UGT1A5: variants seen among roughly 807,000 people sequenced by gnomAD.
UGT1A5 encodes the protein UDP-glucuronosyltransferase 1A5.
A neutral mutation model predicts 40.3 loss-of-function variants in UGT1A5; 29 were observed. The ratio of observed to expected loss-of-function variants is 0.72; its 90% CI spans 0.54 to 0.98. The LOEUF (loss-of-function observed/expected upper bound fraction) is 0.98, where lower values mean the gene tolerates loss of function less well. Ranked by LOEUF, UGT1A5 falls within the 50% of genes least tolerant of loss-of-function variation. UGT1A5 has a pLI of 0.00. For missense variants in UGT1A5, 678 were observed against 677.9 expected, an observed-to-expected ratio of 1.00 and a Z score of 0.00; for synonymous variants, 257 against 262.5, an observed-to-expected ratio of 0.98 and a Z score of 0.20.
chr2:233,744,560 T>C (rs1423343809), intron 1 of UGT1A5, among the ~76,000 whole-genome samples: 1 of 151,924 alleles, frequency 6.6e-6, no homozygotes, highest in Admixed American at 6.5e-5. Flanking sequence ...CAAAATGTAG[T>C]GAGAAGAGTG....
At chr2:233,767,271 T>G in intron 2 of UGT1A5, 106 bp downstream of exon 2, 1 of 1,583,574 alleles carries the variant, frequency 6.3e-7, no homozygotes, top group East Asian at 2.2e-5. Context: ...TAGATTTGGC[T>G]TTTCCCTGCC....
chr2:233,768,371 C>T lies in UGT1A5; in HGVS notation c.1239C>T (p.Thr413=). The T allele has an allele frequency of 6.2e-7, 1 of 1,614,074 alleles. No homozygotes were observed. Among genetic ancestry groups the T allele is most frequent in the South Asian group, 1.1e-5 (1 of 91,082 alleles). ...TGGAGACTAAGGGAGCTGGAGTGAC[C>T]CTGAATGTTCTGGAAATGACTTCTG... is the stretch of plus-strand genomic sequence containing the variant. The part of the protein sequence containing the change: ...KRMETKGAGV[T]LNVLEMTSED... Residue 413 remains threonine, a synonymous_variant, in exon 4 of 5, where the codon ACC becomes ACT. Coordinates refer to ENST00000373414, the MANE Select transcript of UGT1A5 (RefSeq NM_019078.2).
At chr2:233,729,950 T>C (rs1336852527) in intron 1 of UGT1A5, 2 of 1,613,962 alleles carry the variant, frequency 1.2e-6, no homozygotes, top group Non-Finnish European at 1.7e-6. Context: ...AACATGGTCT[T>C]CATTGGGGGC....
chr2:233,734,198 C>T (rs930421172), intron 1 of UGT1A5, among the ~76,000 whole-genome samples: 6 of 152,124 alleles, frequency 3.9e-5, no homozygotes, highest in African/African-American at 1.2e-4. Context: ...GCCTCAATTT[C>T]AGAGCCTGTT....
intron 3 of UGT1A5, 36 bp from the exon 4 acceptor site, chr2:233,768,184 T>A: frequency 6.2e-7 from 1 of 1,614,044 alleles, no homozygotes; most frequent in Non-Finnish European, 8.5e-7. Flanking sequence ...AACTCAGAGA[T>A]GTAACTGCTG....
At chr2:233,725,101 C>G (rs1177502962) in intron 1 of UGT1A5, among the ~76,000 whole-genome samples, 4 of 143,214 alleles carry the variant, frequency 2.8e-5, no homozygotes, top group African/African-American at 1.1e-4. Context: ...GCAGGAGAAT[C>G]AGGCAGGGAG....
Position 233,713,432 on chromosome 2 carries a change from T to C in UGT1A5, c.441T>C (p.Asp147=), listed in dbSNP as rs2125633879. The C allele has an allele frequency of 6.2e-7, 1 of 1,614,202 alleles. No individual in the cohort carries two copies. Among genetic ancestry groups the C allele is most frequent in the East Asian group, 2.2e-5 (1 of 44,882 alleles). Residue 147 remains aspartate, a synonymous_variant, in exon 1 of 5, where the codon GAT becomes GAC. Transcript: ENST00000373414. ...LIRHLHATSF[D]VVLTDPFHLC... is the part of the protein sequence containing the mutation. ...GGCACCTGCATGCTACTTCCTTTGA[T>C]GTGGTTCTAACAGACCCCTTTCACC...
intron 3 of UGT1A5, 24 bp downstream of exon 3, chr2:233,767,960 T>G (rs769330196): frequency 1.2e-6 from 2 of 1,614,082 alleles, no homozygotes; most frequent in Admixed American, 3.3e-5. Context: ...ATTGGATGTA[T>G]AGGTCAAACC....
chr2:233,739,861 AT>A (rs1559383666), intron 1 of UGT1A5, among the ~76,000 whole-genome samples: 1 of 151,974 alleles, frequency 6.6e-6, no homozygotes, highest in African/African-American at 2.4e-5. Context: ...AGAGGGCAGA[AT>A]GATATGATTT....
intron 1 of UGT1A5, among the ~76,000 whole-genome samples, chr2:233,736,665 A>C (rs1163835582): frequency 2.0e-5 from 3 of 152,142 alleles, no homozygotes; most frequent in Non-Finnish European, 4.4e-5. Flanking sequence ...TATGTACCTT[A>C]GGTCTTTGAT....
At position 233,769,778 on chromosome 2, in the gene UGT1A5, C is replaced by T. The variant is rs1165754282; in HGVS notation, c.1307+1339C>T. On this transcript the variant is annotated intron_variant, in intron 4 of 4. Coordinates refer to ENST00000373414, the MANE Select transcript of UGT1A5 (RefSeq NM_019078.2). The surrounding 1 kb of genome is among the most constrained non-coding windows in gnomAD (Gnocchi z 4.4). Reference sequence around the variant, plus strand: ...GCTAAGGCGGGAGGATTGCTTGAGCCCAGAAGTTGGAGGCTGCTATGAGCC... The same window carrying T: ...GCTAAGGCGGGAGGATTGCTTGAGCTCAGAAGTTGGAGGCTGCTATGAGCC... 2 of 1,373,484 alleles carry T rather than the reference C, an allele frequency of 1.5e-6. No individual in the cohort carries two copies. Among genetic ancestry groups the T allele is most frequent in the East Asian group, 5.2e-5 (2 of 38,786 alleles). The allele number at this position is 1,373,484 out of a possible 1,614,324, so 85.1% of individuals were successfully genotyped here.
At chr2:233,754,937 G>A in intron 1 of UGT1A5, 1 of 1,338,066 alleles carries the variant, frequency 7.5e-7, no homozygotes, top group Non-Finnish European at 1.0e-6. Flanking sequence ...AGAGGTCAAA[G>A]GAGAATGGGT....
At chr2:233,724,943 T>TC (rs1416863608) in intron 1 of UGT1A5, among the ~76,000 whole-genome samples, 2 of 143,908 alleles carry the variant, frequency 1.4e-5, no homozygotes, top group Non-Finnish European at 3.0e-5. Context: ...CCGTCTGCAA[T>TC]CCCGGCACCT....
At position 233,731,167 on chromosome 2, in the gene UGT1A5, AT is replaced by A. The variant is rs1179116589; in HGVS notation, c.867+17316del. On this transcript the variant is annotated intron_variant, in intron 1 of 4. Transcript: ENST00000373414. ...TTTTTCTTTTTGATCAAACGACATG[AT>A]TTTTTTATGCAATGTAATTATTCAA... is the stretch of plus-strand genomic sequence containing the variant. 9.2e-5 allele frequency among the ~76,000 whole-genome samples: 14 copies of A among 151,914 alleles called. No homozygotes were observed. The East Asian group carries it at 1.4e-3, about 15-fold the overall frequency.
At chr2:233,736,981 G>C (rs1363558721) in intron 1 of UGT1A5, among the ~76,000 whole-genome samples, 4 of 152,198 alleles carry the variant, frequency 2.6e-5, no homozygotes, top group Non-Finnish European at 5.9e-5. Flanking sequence ...TCCCAGTCAA[G>C]ATACACAGAG....
intron 1 of UGT1A5, chr2:233,755,039 G>A (rs1047792650): frequency 3.8e-6 from 5 of 1,321,018 alleles, no homozygotes; most frequent in Non-Finnish European, 5.1e-6. Flanking sequence ...TGCCGCCTGC[G>A]CAGCCGCCCT....
chr2:233,772,895 C>T lies in UGT1A5; in HGVS notation c.*336C>T. 1 of 493,846 alleles carries T rather than the reference C, an allele frequency of 2.0e-6. No homozygotes were observed. The highest frequency in any genetic ancestry group is 3.3e-6 in the Non-Finnish European group (1 of 304,584). 30.6% of individuals were successfully genotyped at this position (493,846 alleles called of 1,614,324 possible). A position where few individuals can be genotyped will look rare whatever the true frequency, so the allele number is the denominator to read the frequency against. ...GGAGTGCGGGATTCAAAGGTGGTCC[C>T]ACGGCTGCCCCTACTGCAAATGGCA... On this transcript the variant is annotated 3_prime_UTR_variant, in exon 5 of 5. Transcript: ENST00000373414.
intron 1 of UGT1A5, among the ~76,000 whole-genome samples, chr2:233,763,434 A>G (rs1698313182): frequency 1.3e-5 from 2 of 152,346 alleles, no homozygotes; most frequent in Middle Eastern, 3.4e-3. Context: ...AGTTGCTTTA[A>G]TAAGTGCATT....
intron 1 of UGT1A5, among the ~76,000 whole-genome samples, chr2:233,738,389 G>A (rs1690778060): frequency 6.6e-6 from 1 of 152,226 alleles, no homozygotes; most frequent in Non-Finnish European, 1.5e-5. Context: ...AAATGTGGAA[G>A]TGACTTGGAA....
Sources: allele counts gnomAD v4.1 joint callset (sites outside exome capture counted in the v4.1 genomes callset), GRCh38; gene constraint gnomAD v4.1.1; non-coding constraint Gnocchi (gnomAD v3.1); transcripts MANE v1.5; gene names NCBI Gene and HGNC (gene_info 2026-07-23, HGNC 2026-07-21).